Variants in SGCZ observed in about 807,000 individuals in gnomAD.
SGCZ encodes zeta-sarcoglycan.
A neutral mutation model predicts 41.3 loss-of-function variants in SGCZ; 40 were observed. That is an observed-to-expected ratio of 0.97 (90% CI 0.75 to 1.26). The LOEUF (loss-of-function observed/expected upper bound fraction) is 1.26, where lower values mean the gene tolerates loss of function less well. Ranked by LOEUF, SGCZ falls within the 50% of genes most tolerant of loss-of-function variation. SGCZ has a pLI of 0.00. For missense variants in SGCZ, 552 were observed against 369.8 expected (o/e 1.49, Z -4.04); for synonymous variants, 206 against 137.5 (o/e 1.50, Z -3.49).
chr8:15,097,840 G>GTATA lies in SGCZ; in HGVS notation c.39+139744_39+139745insTATA, dbSNP rs1554455203. 3.0e-3 allele frequency among the ~76,000 whole-genome samples: 89 copies of GTATA among 29,578 alleles called. 4 individuals are homozygous for GTATA. The highest frequency in any genetic ancestry group is 4.7e-3 in the East Asian group (4 of 846). The allele number at this position is 29,578 out of a possible 152,430, so 19.4% of individuals were successfully genotyped here. ...CGTGTGTGTATATATATATACGTGT[G>GTATA]TGTATATATATATATACGTGTGTGT... is the stretch of plus-strand genomic sequence containing the variant. On this transcript the variant is annotated intron_variant, in intron 1 of 7. Coordinates refer to ENST00000382080, the MANE Select transcript of SGCZ (RefSeq NM_139167.4).
chr8:14,798,903 A>T, intron 1 of SGCZ, among the ~76,000 whole-genome samples: 1 of 148,710 alleles, frequency 6.7e-6, no homozygotes, highest in East Asian at 2.1e-4. Context: ...ATGTTACATA[A>T]TTAATAAAAA....
chr8:14,989,660 T>C (rs11991997), intron 1 of SGCZ, among the ~76,000 whole-genome samples: 12,244 of 152,146 alleles, frequency 0.08, 766 homozygotes, highest in African/African-American at 0.17. Flanking sequence ...ACTAATCATA[T>C]GTCAGTACAG....
intron 1 of SGCZ, among the ~76,000 whole-genome samples, chr8:14,972,995 T>C (rs1196060323): frequency 6.6e-6 from 1 of 152,216 alleles, no homozygotes; most frequent in African/African-American, 2.4e-5. Flanking sequence ...CTTCTTTGTG[T>C]GCCTGGTAAT....
intron 3 of SGCZ, among the ~76,000 whole-genome samples, chr8:14,273,104 C>A (rs1800115286): frequency 1.3e-5 from 2 of 151,758 alleles, no homozygotes; most frequent in African/African-American, 4.8e-5. Flanking sequence ...TTTTGATCAC[C>A]TAAGTGTCAT....
chr8:15,147,671 C>T (rs1200069231), intron 1 of SGCZ, among the ~76,000 whole-genome samples: 1 of 152,110 alleles, frequency 6.6e-6, no homozygotes, highest in Non-Finnish European at 1.5e-5. Flanking sequence ...GAAAAACTTG[C>T]AGTAGGGGCT....
At chr8:14,245,754 A>C (rs538089552) in intron 3 of SGCZ, among the ~76,000 whole-genome samples, 18 of 152,244 alleles carry the variant, frequency 1.2e-4, no homozygotes, top group South Asian at 8.3e-4. Flanking sequence ...TACAAAAAAA[A>C]CCACAAACAA....
intron 1 of SGCZ, among the ~76,000 whole-genome samples, chr8:14,759,396 T>C (rs1163438677): frequency 1.3e-5 from 2 of 152,188 alleles, no homozygotes; most frequent in African/African-American, 4.8e-5. Flanking sequence ...CAAACTTTAA[T>C]TCTTAAAGCT....
chr8:14,929,822 T>A (rs1484039064), intron 1 of SGCZ, among the ~76,000 whole-genome samples: 1 of 151,912 alleles, frequency 6.6e-6, no homozygotes, highest in Non-Finnish European at 1.5e-5. Context: ...GTGGAAGTAG[T>A]TTTCCTCCTC....
At chr8:14,622,193 GA>G (rs1442248685) in intron 1 of SGCZ, among the ~76,000 whole-genome samples, 2 of 152,108 alleles carry the variant, frequency 1.3e-5, no homozygotes, top group African/African-American at 4.8e-5. Flanking sequence ...AATTTGCACG[GA>G]AACCTTGAGT....
chr8:14,600,726 C>G lies in SGCZ; in HGVS notation c.40-45800G>C, dbSNP rs897002628. Reference sequence around the variant, plus strand: ...CATGATTTCAACTAAAAAAAATATACACATGCATCATTTTAAATTAAAGGT... The same window carrying G: ...CATGATTTCAACTAAAAAAAATATAGACATGCATCATTTTAAATTAAAGGT... On this transcript the variant is annotated intron_variant, in intron 1 of 7. Transcript: ENST00000382080. Among the ~76,000 whole-genome samples, 8 of 152,110 alleles carry G rather than the reference C, an allele frequency of 5.3e-5. No homozygotes were observed. In the East Asian group the frequency reaches 1.5e-3, roughly 29 times the overall value.
chr8:14,161,655 G>A (rs1177665554), intron 5 of SGCZ, among the ~76,000 whole-genome samples: 1 of 152,102 alleles, frequency 6.6e-6, no homozygotes, highest in Non-Finnish European at 1.5e-5. Context: ...TAATCTGCTT[G>A]TAATTTTATT....
At chr8:14,196,061 C>G (rs1423906976) in intron 4 of SGCZ, among the ~76,000 whole-genome samples, 1 of 152,048 alleles carries the variant, frequency 6.6e-6, no homozygotes, top group Non-Finnish European at 1.5e-5. Flanking sequence ...TTTGTGGCTA[C>G]TGTATCTCTA....
At chr8:14,567,889 G>C (rs1039207412) in intron 1 of SGCZ, among the ~76,000 whole-genome samples, 1 of 152,158 alleles carries the variant, frequency 6.6e-6, no homozygotes, top group Non-Finnish European at 1.5e-5. Flanking sequence ...TCCACCAGAA[G>C]GAAGAAACTC....
intron 1 of SGCZ, among the ~76,000 whole-genome samples, chr8:14,843,705 A>G (rs1172527968): frequency 6.6e-6 from 1 of 152,170 alleles, no homozygotes; most frequent in Non-Finnish European, 1.5e-5. Flanking sequence ...ATTGCAAATT[A>G]AATGCTAAAG....
chr8:14,383,305 A>T (rs969547598), intron 2 of SGCZ, among the ~76,000 whole-genome samples: 1 of 152,258 alleles, frequency 6.6e-6, no homozygotes, highest in Non-Finnish European at 1.5e-5. Context: ...TTGCTAAATT[A>T]TCATTCAATA....
rs185933758 is a variant in SGCZ, at chr8:14,266,097, A to G, written c.337-28418T>C. Among the ~76,000 whole-genome samples the G allele has an allele frequency of 3.9e-3, 592 of 152,240 alleles. 3 individuals are homozygous for G. Among genetic ancestry groups the G allele is most frequent in the African/African-American group, 0.013 (539 of 41,552 alleles). On this transcript the variant is annotated intron_variant, in intron 3 of 7. Coordinates refer to ENST00000382080, the MANE Select transcript of SGCZ (RefSeq NM_139167.4). ...CAGAAAACTCCCCAAACCTAAGGAA[A>G]CATATGATTATCCGAGGACATAAAG... is the stretch of plus-strand genomic sequence containing the variant.
chr8:14,574,628 C>G (rs571655835), intron 1 of SGCZ, among the ~76,000 whole-genome samples: 150 of 152,278 alleles, frequency 9.9e-4, no homozygotes, highest in African/African-American at 3.4e-3. Flanking sequence ...TTTATTGAAC[C>G]TAAGAATAAA....
At chr8:14,138,443 C>T (rs903595492) in intron 5 of SGCZ, among the ~76,000 whole-genome samples, 5 of 151,534 alleles carry the variant, frequency 3.3e-5, no homozygotes, top group Admixed American at 3.3e-4. Flanking sequence ...GGAGATCCAT[C>T]TCACGTGCAG....
At position 14,605,223 on chromosome 8, in the gene SGCZ, G is replaced by A. The variant is rs569872436; in HGVS notation, c.40-50297C>T. The stretch of plus-strand genomic sequence containing the variant: ...GTGACTCCATTAAAAATTACGTCTA[G>A]TACATTCTTTTTTTACTTTTAAAAA... On this transcript the variant is annotated intron_variant, in intron 1 of 7. Transcript: ENST00000382080. Among the ~76,000 whole-genome samples the A allele has an allele frequency of 7.9e-5, 12 of 151,966 alleles. No individual in the cohort carries two copies. The East Asian group carries it at 2.3e-3, about 29-fold the overall frequency.
Sources: allele counts gnomAD v4.1 joint callset (sites outside exome capture counted in the v4.1 genomes callset), GRCh38; gene constraint gnomAD v4.1.1; transcripts MANE v1.5; gene names NCBI Gene and HGNC (gene_info 2026-07-23, HGNC 2026-07-21).